PITPNC1: variants seen among roughly 807,000 people sequenced by gnomAD.
The protein encoded by PITPNC1 is phosphatidylinositol transfer protein cytoplasmic 1.
PITPNC1 carries 18 observed loss-of-function variants against 44.7 expected under a neutral mutation model. The ratio of observed to expected loss-of-function variants is 0.40; its 90% CI spans 0.28 to 0.60. The LOEUF (loss-of-function observed/expected upper bound fraction) is 0.60. PITPNC1 is among the 20% of genes least tolerant of loss of function. The pLI is 0.39. For missense variants in PITPNC1, 290 were observed against 418.4 expected, an observed-to-expected ratio of 0.69 and a Z score of 2.68; for synonymous variants, 141 against 149.6, an observed-to-expected ratio of 0.94 and a Z score of 0.42.
At chr17:67,619,769 C>T (rs1165974757) in intron 5 of PITPNC1, among the ~76,000 whole-genome samples, 1 of 151,910 alleles carries the variant, frequency 6.6e-6, no homozygotes, top group African/African-American at 2.4e-5. Flanking sequence ...TCTGCAGTGC[C>T]ATCTGCCCCC....
At chr17:67,460,230 T>C (rs554873314) in intron 1 of PITPNC1, among the ~76,000 whole-genome samples, 3 of 152,302 alleles carry the variant, frequency 2.0e-5, no homozygotes, top group Admixed American at 6.5e-5. Flanking sequence ...GGATTGCCAT[T>C]GTTCCTTAGA....
intron 1 of PITPNC1, among the ~76,000 whole-genome samples, chr17:67,382,423 A>T (rs1455030226): frequency 1.3e-5 from 2 of 151,988 alleles, no homozygotes; most frequent in African/African-American, 4.8e-5. Context: ...CATTCCATAG[A>T]TTAATTTTAA....
chr17:67,378,223 G>GGCCTC (rs1414250904), intron 1 of PITPNC1, 21 bp downstream of exon 1: 1 of 1,482,120 alleles, frequency 6.7e-7, no homozygotes, highest in African/African-American at 1.5e-5. Flanking sequence ...CGCCCGGCCC[G>GGCCTC]GCCTCGCCCG....
chr17:67,692,707 C>G lies in PITPNC1; in HGVS notation c.818C>G (p.Ser273Cys). 8.1e-6 allele frequency: 13 copies of G among 1,613,882 alleles called. No individual in the cohort carries two copies. Among genetic ancestry groups the G allele is most frequent in the Non-Finnish European group, 1.1e-5 (13 of 1,179,828 alleles). Residue 273 changes from serine to cysteine, a missense_variant, in exon 9 of 9, where the codon TCT (serine) becomes TGT (cysteine). Coordinates refer to ENST00000581322, the MANE Select transcript of PITPNC1 (RefSeq NM_012417.4). ...LLPSSVRSAP[S>C]SAPSTPLSTD... ...CCTTCTTCCGTCCGCAGTGCGCCTT[C>G]TAGTGCTCCATCCACCCCTCTCTCC...
chr17:67,539,909 C>T (rs1481947753), intron 2 of PITPNC1, among the ~76,000 whole-genome samples: 1 of 151,972 alleles, frequency 6.6e-6, no homozygotes, highest in Non-Finnish European at 1.5e-5. Context: ...TTAAGATATA[C>T]AATATGCATA....
At chr17:67,647,464 G>GTTTTTTTTTTTTTTTT (rs60407940) in intron 6 of PITPNC1, among the ~76,000 whole-genome samples, 4 of 72,360 alleles carry the variant, frequency 5.5e-5, no homozygotes, top group African/African-American at 1.8e-4. Flanking sequence ...CTAATTTTGG[G>GTTTTTTTTTTTTTTTT]TTTTTTTTTT....
intron 5 of PITPNC1, among the ~76,000 whole-genome samples, chr17:67,615,247 T>A (rs936299313): frequency 1.3e-5 from 2 of 152,236 alleles, no homozygotes; most frequent in Non-Finnish European, 2.9e-5. Flanking sequence ...AACGATTTGT[T>A]CCTTTCTTTT....
chr17:67,510,600 C>T (rs900636891), intron 1 of PITPNC1, among the ~76,000 whole-genome samples: 1 of 152,104 alleles, frequency 6.6e-6, no homozygotes, highest in African/African-American at 2.4e-5. Flanking sequence ...CCGCGCCTGG[C>T]CATTTTTTTT....
chr17:67,677,474 T>C (rs1010802110), intron 8 of PITPNC1, among the ~76,000 whole-genome samples: 13 of 151,796 alleles, frequency 8.6e-5, no homozygotes, highest in African/African-American at 3.1e-4. Flanking sequence ...GAAAACCCAG[T>C]GTGGGTGGGT....
intron 1 of PITPNC1, among the ~76,000 whole-genome samples, chr17:67,388,168 G>T (rs1293427633): frequency 6.6e-6 from 1 of 152,090 alleles, no homozygotes; most frequent in Non-Finnish European, 1.5e-5. Context: ...ACCAATTAGA[G>T]ATTCTTTTGT....
At chr17:67,419,926 A>G (rs545815841) in intron 1 of PITPNC1, among the ~76,000 whole-genome samples, 72 of 151,880 alleles carry the variant, frequency 4.7e-4, no homozygotes, top group East Asian at 9.7e-4. Flanking sequence ...CAAAAAAAAA[A>G]AGAGAGAGAG....
chr17:67,542,518 A>G (rs1171809899), intron 2 of PITPNC1, among the ~76,000 whole-genome samples: 1 of 152,202 alleles, frequency 6.6e-6, no homozygotes. Flanking sequence ...CACATTGTGC[A>G]GGCATTGGAG....
At chr17:67,535,366 G>A (rs1192381329) in intron 2 of PITPNC1, among the ~76,000 whole-genome samples, 1 of 152,220 alleles carries the variant, frequency 6.6e-6, no homozygotes, top group East Asian at 1.9e-4. Flanking sequence ...AAAGAGAAGT[G>A]AGGAAGATGC....
intron 4 of PITPNC1, among the ~76,000 whole-genome samples, chr17:67,577,780 G>A (rs573266197): frequency 2.0e-5 from 3 of 152,252 alleles, no homozygotes; most frequent in African/African-American, 7.2e-5. Flanking sequence ...TGTTATATGA[G>A]CATTTATATA....
At position 67,378,092 on chromosome 17, in the gene PITPNC1, AGCCTTGCTGGTC is replaced by A; in HGVS notation, c.-62_-51del. ...GCGCCCTGCCCTGCGCCTGGGCAGC[AGCCTTGCTGGTC>A]TTGGGGGCGCCCCCCGCTTCCCGCC... On this transcript the variant is annotated 5_prime_UTR_variant, in exon 1 of 9. Coordinates refer to ENST00000581322, the MANE Select transcript of PITPNC1 (RefSeq NM_012417.4). 1 of 1,211,254 alleles carries A rather than the reference AGCCTTGCTGGTC, an allele frequency of 8.3e-7. No individual in the cohort carries two copies. The highest frequency in any genetic ancestry group is 1.1e-6 in the Non-Finnish European group (1 of 880,150). The allele number at this position is 1,211,254 out of a possible 1,614,324, so 75.0% of individuals were successfully genotyped here.
At chr17:67,429,274 G>C (rs1337549124) in intron 1 of PITPNC1, among the ~76,000 whole-genome samples, 1 of 152,206 alleles carries the variant, frequency 6.6e-6, no homozygotes, top group Non-Finnish European at 1.5e-5. Flanking sequence ...AACCACTGAT[G>C]GGTAAATTGA....
chr17:67,648,365 C>T (rs2042174254), intron 6 of PITPNC1, among the ~76,000 whole-genome samples: 1 of 152,196 alleles, frequency 6.6e-6, no homozygotes, highest in Non-Finnish European at 1.5e-5. Flanking sequence ...GAGTGGAGAA[C>T]AGCCTCAAGT....
intron 1 of PITPNC1, among the ~76,000 whole-genome samples, chr17:67,409,379 C>G (rs1030584172): frequency 6.6e-6 from 1 of 151,938 alleles, no homozygotes; most frequent in Non-Finnish European, 1.5e-5. Flanking sequence ...CCACCGCGCC[C>G]GGCCCCAAAT....
chr17:67,635,285 G>C (rs945191051), intron 6 of PITPNC1, among the ~76,000 whole-genome samples: 2 of 152,166 alleles, frequency 1.3e-5, no homozygotes, highest in African/African-American at 4.8e-5. Context: ...GACAGGAGCA[G>C]ATGGTTTGGA....
Sources: allele counts gnomAD v4.1 joint callset (sites outside exome capture counted in the v4.1 genomes callset), GRCh38; gene constraint gnomAD v4.1.1; transcripts MANE v1.5; gene names NCBI Gene and HGNC (gene_info 2026-07-23, HGNC 2026-07-21).